FARP1: variants seen among roughly 807,000 people sequenced by gnomAD.
The protein encoded by FARP1 is FERM, ARH/RhoGEF and pleckstrin domain protein 1.
Under a neutral mutation model 128.8 loss-of-function variants are expected in FARP1, and 52 were observed. The observed-to-expected ratio is 0.40, with a 90% CI of 0.32 to 0.51. FARP1 has a LOEUF of 0.51. FARP1 is among the 20% of genes least tolerant of loss of function. FARP1 has a pLI of 0.45. For missense variants in FARP1, 1,333 were observed against 1,367.9 expected, an observed-to-expected ratio of 0.97 and a Z score of 0.40; for synonymous variants, 580 against 551.8, an observed-to-expected ratio of 1.05 and a Z score of -0.72.
At chr13:98,364,861 A>G (rs561984671) in intron 3 of FARP1, among the ~76,000 whole-genome samples, 26 of 152,310 alleles carry the variant, frequency 1.7e-4, no homozygotes, top group South Asian at 1.0e-3. Flanking sequence ...AGCCTCTGCA[A>G]GTCTCAGATG....
chr13:98,217,891 G>A (rs561774263), intron 2 of FARP1, among the ~76,000 whole-genome samples: 7 of 152,302 alleles, frequency 4.6e-5, no homozygotes, highest in African/African-American at 1.4e-4. Flanking sequence ...TTAACTATAC[G>A]AGAGTTGGTG....
At chr13:98,232,156 T>TTTTTTG (rs1834267565) in intron 2 of FARP1, among the ~76,000 whole-genome samples, 1 of 148,280 alleles carries the variant, frequency 6.7e-6, no homozygotes, top group Non-Finnish European at 1.5e-5. Flanking sequence ...TTTTTTTTTT[T>TTTTTTG]TTTTTTTTTT....
intron 1 of FARP1, among the ~76,000 whole-genome samples, chr13:98,187,490 T>TG (rs976231579): frequency 2.6e-5 from 4 of 151,976 alleles, no homozygotes; most frequent in African/African-American, 9.7e-5. Context: ...GGTGGAGATG[T>TG]GGGGGAGGAG....
At chr13:98,156,503 G>A (rs552404073) in intron 1 of FARP1, among the ~76,000 whole-genome samples, 76 of 152,248 alleles carry the variant, frequency 5.0e-4, no homozygotes, top group African/African-American at 1.8e-3. Context: ...TGAACTCCTG[G>A]CTCATATGAT....
chr13:98,379,252 A>C (rs1425376764), intron 6 of FARP1, among the ~76,000 whole-genome samples: 2 of 136,484 alleles, frequency 1.5e-5, no homozygotes, highest in African/African-American at 5.5e-5. Context: ...TATATAATCT[A>C]TATATATAAT....
intron 1 of FARP1, among the ~76,000 whole-genome samples, chr13:98,151,848 GA>G (rs1319359783): frequency 3.3e-5 from 5 of 151,690 alleles, no homozygotes; most frequent in African/African-American, 1.2e-4. Context: ...TTTTAGTAGA[GA>G]GGGGGTTTCA....
intron 2 of FARP1, among the ~76,000 whole-genome samples, chr13:98,274,439 T>G (rs1884539954): frequency 6.6e-6 from 1 of 152,184 alleles, no homozygotes; most frequent in East Asian, 1.9e-4. Context: ...GGTTGCCGTT[T>G]ATTTCATTGA....
chr13:98,195,993 T>TAC (rs753646848), intron 1 of FARP1, among the ~76,000 whole-genome samples: 13 of 152,198 alleles, frequency 8.5e-5, no homozygotes, highest in Non-Finnish European at 1.5e-4. Flanking sequence ...ATCACTGCAC[T>TAC]CCAGCTTGGG....
chr13:98,145,253 T>G (rs1875438021), intron 1 of FARP1, among the ~76,000 whole-genome samples: 1 of 152,146 alleles, frequency 6.6e-6, no homozygotes, highest in Admixed American at 6.5e-5. Flanking sequence ...TAGGGGCAGA[T>G]TCTATGGTGC....
At chr13:98,386,469 GT>G (rs1293218835) in intron 8 of FARP1, among the ~76,000 whole-genome samples, 2 of 152,142 alleles carry the variant, frequency 1.3e-5, no homozygotes, top group South Asian at 2.1e-4. Flanking sequence ...TTCTCTCTTA[GT>G]AGCCTTATTG....
At chr13:98,426,776 C>T (rs1311825609) in intron 17 of FARP1, among the ~76,000 whole-genome samples, 1 of 152,198 alleles carries the variant, frequency 6.6e-6, no homozygotes. Context: ...CAAGAATTAC[C>T]TAAGATGTTC....
chr13:98,179,170 A>G (rs1268311033), intron 1 of FARP1, among the ~76,000 whole-genome samples: 1 of 152,176 alleles, frequency 6.6e-6, no homozygotes, highest in Non-Finnish European at 1.5e-5. Flanking sequence ...AGGTCTCACA[A>G]TCCATGGTAG....
At chr13:98,273,403 T>C (rs143636613) in intron 2 of FARP1, among the ~76,000 whole-genome samples, 2 of 152,216 alleles carry the variant, frequency 1.3e-5, no homozygotes, top group Non-Finnish European at 2.9e-5. Context: ...AGTTTAACAT[T>C]AATGCTGGTC....
rs961959384 is a variant in FARP1, at chr13:98,446,096, A to G, written c.2797-2A>G. On this transcript the variant is annotated splice_acceptor_variant, in intron 24 of 26. Transcript: ENST00000319562. LOFTEE classifies it high-confidence loss of function. ...CTTCTCACAGGCCTCCTTGCCTTTC[A>G]GAATCAGTTGTCTGGAAACCTGCTG... The G allele has an allele frequency of 6.2e-7, 1 of 1,610,138 alleles. No homozygotes were observed. The highest frequency in any genetic ancestry group is 1.3e-5 in the African/African-American group (1 of 74,868).
intron 1 of FARP1, among the ~76,000 whole-genome samples, chr13:98,153,125 A>C (rs571697705): frequency 1.3e-5 from 2 of 151,592 alleles, no homozygotes; most frequent in East Asian, 3.9e-4. Flanking sequence ...TTGGTTCTCT[A>C]ACATCAGGTG....
intron 2 of FARP1, among the ~76,000 whole-genome samples, chr13:98,225,917 C>G (rs1162948968): frequency 6.6e-6 from 1 of 152,212 alleles, no homozygotes. Context: ...CCCTTTTACC[C>G]ACATGCACTC....
At chr13:98,242,494 A>C (rs1344772413) in intron 2 of FARP1, among the ~76,000 whole-genome samples, 3 of 152,106 alleles carry the variant, frequency 2.0e-5, no homozygotes, top group Non-Finnish European at 4.4e-5. Context: ...TGGGCAACAT[A>C]GTGAGACCTC....
intron 2 of FARP1, among the ~76,000 whole-genome samples, chr13:98,319,838 T>C (rs1886912209): frequency 6.6e-6 from 1 of 151,862 alleles, no homozygotes; most frequent in African/African-American, 2.4e-5. Flanking sequence ...CTACAGTTGC[T>C]GGGGGAAAAA....
At chr13:98,227,538 G>A (rs1219166336) in intron 2 of FARP1, among the ~76,000 whole-genome samples, 2 of 151,992 alleles carry the variant, frequency 1.3e-5, no homozygotes, top group African/African-American at 4.8e-5. Flanking sequence ...AATGTAAGAT[G>A]GTGCAGCTGC....
Sources: gnomAD v4.1 joint callset for allele counts (sites outside exome capture counted in the v4.1 genomes callset) on GRCh38, gnomAD v4.1.1 for gene constraint, MANE v1.5 for transcripts, NCBI Gene and HGNC (gene_info 2026-07-23, HGNC 2026-07-21) for gene names.